The following PTK2 variants were observed in gnomAD, a reference collection of about 807,000 sequenced individuals.
The protein encoded by PTK2 is protein tyrosine kinase 2.
In PTK2, 45 loss-of-function variants were observed where a neutral mutation model predicts 150.1. The ratio of observed to expected loss-of-function variants is 0.30; its 90% CI spans 0.24 to 0.38. The LOEUF (loss-of-function observed/expected upper bound fraction) is 0.38. PTK2 is among the 10% of genes least tolerant of loss of function. The probability of loss-of-function intolerance (pLI) is 1.00; values close to 1 mark genes in which losing one functional copy is unlikely to be tolerated. For missense variants in PTK2, 919 were observed against 1,307.3 expected (o/e 0.70, Z 4.58); for synonymous variants, 432 against 449.2 (o/e 0.96, Z 0.48).
chr8:140,674,735 GT>G (rs1018875959), intron 28 of PTK2, among the ~76,000 whole-genome samples: 1 of 150,062 alleles, frequency 6.7e-6, no homozygotes, highest in Non-Finnish European at 1.5e-5. Context: ...ACAAAACTCC[GT>G]CTCAAAAAAA....
At chr8:140,718,762 C>T (rs956507358) in intron 22 of PTK2, 8 of 152,226 alleles carry the variant, frequency 5.3e-5, no homozygotes, top group African/African-American at 1.4e-4. Flanking sequence ...TACACAGTCA[C>T]CTTCTGAGTC....
At chr8:140,878,844 TAAAAAAA>T (rs34124997) in intron 4 of PTK2, among the ~76,000 whole-genome samples, 1 of 128,644 alleles carries the variant, frequency 7.8e-6, no homozygotes, top group East Asian at 2.1e-4. Flanking sequence ...TGCTTAGTAG[TAAAAAAA>T]AAAAAAAAAA....
At chr8:140,887,938 A>G (rs1221396529) in intron 3 of PTK2, among the ~76,000 whole-genome samples, 1 of 152,188 alleles carries the variant, frequency 6.6e-6, no homozygotes, top group Non-Finnish European at 1.5e-5. Flanking sequence ...ACGTAGCTAT[A>G]ATGAGTTTAA....
intron 17 of PTK2, among the ~76,000 whole-genome samples, chr8:140,751,251 A>G (rs1333636491): frequency 6.6e-6 from 1 of 152,168 alleles, no homozygotes; most frequent in Non-Finnish European, 1.5e-5. Flanking sequence ...TCACTGCTAC[A>G]TGGGCCTCCC....
At chr8:140,685,466 A>G (rs2100019286) in intron 27 of PTK2, among the ~76,000 whole-genome samples, 1 of 152,232 alleles carries the variant, frequency 6.6e-6, no homozygotes, top group Non-Finnish European at 1.5e-5. Context: ...ACAGAATGGG[A>G]GAAAATATTT....
chr8:140,795,974 C>T (rs982154154), intron 12 of PTK2, among the ~76,000 whole-genome samples: 2 of 152,192 alleles, frequency 1.3e-5, no homozygotes, highest in Non-Finnish European at 2.9e-5. Flanking sequence ...TTGCATTGAG[C>T]GGCATCCTCT....
Position 140,860,005 on chromosome 8 carries a change from T to C in PTK2, c.450+4307A>G, listed in dbSNP as rs549499989. 1.2e-3 allele frequency among the ~76,000 whole-genome samples: 185 copies of C among 152,334 alleles called. 1 individual carries two copies. Among genetic ancestry groups the C allele is most frequent in the African/African-American group, 4.4e-3 (183 of 41,584 alleles). On this transcript the variant is annotated intron_variant, in intron 5 of 31. Transcript: ENST00000522684. The stretch of plus-strand genomic sequence containing the variant: ...AAAAACTCATAGTATATTCAAAACT[T>C]TCTTGCCAGATCAGGCTAAAATTTA...
chr8:140,764,214 A>G lies in PTK2; in HGVS notation c.1234+20T>C. On this transcript the variant is annotated intron_variant, in intron 15 of 31. Coordinates refer to ENST00000522684, the Ensembl canonical transcript of PTK2. ...GCATCTGTCAAGTCTGAGCAAGAAC[A>G]AAATCAGAAGTTTACTTACTTGAGG... 6.3e-7 allele frequency: 1 copy of G among 1,595,416 alleles called. No homozygotes were observed. Among genetic ancestry groups the G allele is most frequent in the Non-Finnish European group, 8.6e-7 (1 of 1,164,340 alleles).
At position 140,817,357 on chromosome 8, in the gene PTK2, A is replaced by C. The variant is rs192224094; in HGVS notation, c.867+920T>G. On this transcript the variant is annotated intron_variant, in intron 10 of 31. Coordinates refer to ENST00000522684, the Ensembl canonical transcript of PTK2. ...ACACTTGGAAAAAAGCAGGTCAGAC[A>C]CGGTTTGGCACATTTATATATGTAT... 5.2e-3 allele frequency among the ~76,000 whole-genome samples: 791 copies of C among 152,336 alleles called. 4 individuals are homozygous for C. Among genetic ancestry groups the C allele is most frequent in the Non-Finnish European group, 6.2e-3 (420 of 68,028 alleles).
chr8:140,875,593 TAA>T, intron 4 of PTK2, among the ~76,000 whole-genome samples: 1 of 152,326 alleles, frequency 6.6e-6, no homozygotes, highest in East Asian at 1.9e-4. Context: ...TTTATAAATA[TAA>T]TTGGATGGCT....
At chr8:140,699,444 G>T (rs758022808) in intron 26 of PTK2, among the ~76,000 whole-genome samples, 2 of 152,180 alleles carry the variant, frequency 1.3e-5, no homozygotes, top group Non-Finnish European at 2.9e-5. Context: ...AACATACAGA[G>T]ATTGCTCTGT....
chr8:140,668,481 C>T lies in PTK2; in HGVS notation c.2710-57G>A, dbSNP rs1029858653. 1.0e-5 allele frequency: 16 copies of T among 1,539,230 alleles called. No homozygotes were observed. The African/African-American group carries it at 2.2e-4, about 21-fold the overall frequency. ...TCTCCAGCAGATGGCGTGAGATCAC[C>T]ACAATCAAGCTAGAGAGGGTCTTTA... On this transcript the variant is annotated intron_variant, in intron 29 of 31. Transcript: ENST00000522684.
intron 5 of PTK2, among the ~76,000 whole-genome samples, chr8:140,858,176 C>T (rs974935233): frequency 1.3e-5 from 2 of 151,832 alleles, no homozygotes; most frequent in Non-Finnish European, 2.9e-5. Context: ...TGGTAATCTG[C>T]CAGACTAGAC....
At chr8:140,790,123 G>A (rs2100087620) in intron 13 of PTK2, among the ~76,000 whole-genome samples, 3 of 152,070 alleles carry the variant, frequency 2.0e-5, no homozygotes, top group Admixed American at 2.0e-4. Context: ...TCTTGGTGCC[G>A]TTTAAAAAAT....
At chr8:140,941,766 C>T (rs1193506134) in intron 1 of PTK2, among the ~76,000 whole-genome samples, 1 of 152,114 alleles carries the variant, frequency 6.6e-6, no homozygotes, top group Non-Finnish European at 1.5e-5. Context: ...GATGCAGTGG[C>T]ATGATCTCAG....
intron 1 of PTK2, among the ~76,000 whole-genome samples, chr8:140,996,581 C>G (rs918445710): frequency 6.6e-6 from 1 of 152,204 alleles, no homozygotes; most frequent in Non-Finnish European, 1.5e-5. Flanking sequence ...AGCCAATGCT[C>G]GTTTCCCATT....
At chr8:140,756,160 T>G (rs899885468) in intron 16 of PTK2, among the ~76,000 whole-genome samples, 1 of 151,318 alleles carries the variant, frequency 6.6e-6, no homozygotes, top group African/African-American at 2.4e-5. Flanking sequence ...CTGTCTCTAC[T>G]AAAAATACAA....
intron 23 of PTK2, among the ~76,000 whole-genome samples, chr8:140,714,403 A>G (rs1454794806): frequency 6.6e-6 from 1 of 152,076 alleles, no homozygotes; most frequent in Non-Finnish European, 1.5e-5. Flanking sequence ...GGATTGTTTA[A>G]GCCCAGCAGC....
rs1400313970 is a variant in PTK2 at position 140,846,591 on chromosome 8, C to A, written c.530+8G>T. On this transcript the variant is annotated splice_region_variant and intron_variant, in intron 6 of 31. Coordinates refer to ENST00000522684, the Ensembl canonical transcript of PTK2. ...AATAAAGGCCGCAATGTATAGTTAT[C>A]ATCTTACCGTATTTCTAGACAACCC... 1.9e-6 allele frequency: 3 copies of A among 1,587,194 alleles called. No homozygotes were observed. In the Admixed American group the frequency reaches 5.0e-5, roughly 27 times the overall value.
Sources: gnomAD v4.1 joint callset for allele counts (sites outside exome capture counted in the v4.1 genomes callset) on GRCh38, gnomAD v4.1.1 for gene constraint, MANE v1.5 for transcripts, NCBI Gene and HGNC (gene_info 2026-07-23, HGNC 2026-07-21) for gene names.